Variants in SORCS2 observed in about 807,000 individuals in gnomAD.
SORCS2 encodes VPS10 domain-containing receptor SorCS2.
A neutral mutation model predicts 141.6 loss-of-function variants in SORCS2; 100 were observed. The observed-to-expected ratio is 0.71, with a 90% CI of 0.60 to 0.83. The LOEUF is 0.83. SORCS2 is among the 40% of genes least tolerant of loss of function. SORCS2 has a pLI of 0.00. For missense variants in SORCS2, 1,646 were observed against 1,560.2 expected, an observed-to-expected ratio of 1.05 and a Z score of -0.93; for synonymous variants, 789 against 676.9, an observed-to-expected ratio of 1.17 and a Z score of -2.57.
At chr4:7,290,009 G>GCGAGGGAGGACTCCA (rs970492943) in intron 1 of SORCS2, among the ~76,000 whole-genome samples, 1 of 152,200 alleles carries the variant, frequency 6.6e-6, no homozygotes, top group Non-Finnish European at 1.5e-5. Flanking sequence ...CTCCCAGGCT[G>GCGAGGGAGGACTCCA]CGAGGGAGGA....
At position 7,356,382 on chromosome 4, in the gene SORCS2, T is replaced by C. The variant is rs148038968; in HGVS notation, c.481-39906T>C. ...GCTGGGAAGTCCAAGGTCAAGGCTC[T>C]GGCTGAGTTTCTGGTTTCTGGTGAG... On this transcript the variant is annotated intron_variant, in intron 1 of 26. Transcript: ENST00000507866. Among the ~76,000 whole-genome samples, 1,410 of 152,356 alleles carry C rather than the reference T, an allele frequency of 9.3e-3. 19 individuals carry two copies. Among genetic ancestry groups the C allele is most frequent in the African/African-American group, 0.032 (1,342 of 41,584 alleles).
At chr4:7,200,352 TC>T (rs2108858837) in intron 1 of SORCS2, among the ~76,000 whole-genome samples, 1 of 152,046 alleles carries the variant, frequency 6.6e-6, no homozygotes, top group African/African-American at 2.4e-5. Flanking sequence ...TTCCCTCTCC[TC>T]CCTGGGGAGC....
rs1410150527 is a variant in SORCS2, at chr4:7,718,088, C to A, written c.2329C>A (p.Leu777Ile). Residue 777 changes from leucine to isoleucine, a missense_variant, in exon 18 of 27, where the codon CTC (leucine) becomes ATC (isoleucine). Coordinates refer to ENST00000507866, the MANE Select transcript of SORCS2 (RefSeq NM_020777.3). The stretch of plus-strand genomic sequence containing the variant: ...GAGTCAGGTGCAGCTGCAGTGCCCC[C>A]TCACGCCGCCCCGGGGCCTGCAGGT... ...QQSQVQLQCPLTPPRGLQVSI... is the reference protein window; with the variant it reads ...QQSQVQLQCPITPPRGLQVSI... 1.9e-6 allele frequency: 3 copies of A among 1,611,830 alleles called. No individual in the cohort carries two copies. The highest frequency in any genetic ancestry group is 1.7e-6 in the Non-Finnish European group (2 of 1,179,152).
At chr4:7,306,283 C>CG (rs1266467391) in intron 1 of SORCS2, among the ~76,000 whole-genome samples, 2 of 148,428 alleles carry the variant, frequency 1.3e-5, no homozygotes, top group Non-Finnish European at 3.0e-5. Flanking sequence ...CAGTGGGCTC[C>CG]GGGGTAGGCT....
At chr4:7,645,666 C>T (rs1286179207) in intron 4 of SORCS2, among the ~76,000 whole-genome samples, 1 of 152,218 alleles carries the variant, frequency 6.6e-6, no homozygotes, top group Non-Finnish European at 1.5e-5. Flanking sequence ...TGAACACATA[C>T]TGCATGCCAG....
intron 1 of SORCS2, among the ~76,000 whole-genome samples, chr4:7,292,054 C>T (rs570083888): frequency 1.6e-4 from 25 of 152,296 alleles, no homozygotes; most frequent in Non-Finnish European, 2.2e-4. Flanking sequence ...TGGAGGGGAC[C>T]GTCATGGGAA....
intron 4 of SORCS2, among the ~76,000 whole-genome samples, chr4:7,642,787 C>T (rs1720829790): frequency 6.6e-6 from 1 of 152,176 alleles, no homozygotes; most frequent in South Asian, 2.1e-4. Flanking sequence ...CTCCTGGTTA[C>T]TGGTGGAGTT....
At chr4:7,307,157 A>T (rs1407568378) in intron 1 of SORCS2, among the ~76,000 whole-genome samples, 1 of 152,190 alleles carries the variant, frequency 6.6e-6, no homozygotes, top group Non-Finnish European at 1.5e-5. Flanking sequence ...AGGCGACGCC[A>T]GCCTCATCGG....
At chr4:7,658,922 T>G (rs1208057597) in intron 5 of SORCS2, among the ~76,000 whole-genome samples, 1 of 152,232 alleles carries the variant, frequency 6.6e-6, no homozygotes, top group Non-Finnish European at 1.5e-5. Context: ...TGGGTGCTCC[T>G]GCCCCCAACG....
chr4:7,621,415 T>TTG (rs59645194), intron 3 of SORCS2, among the ~76,000 whole-genome samples: 1 of 149,262 alleles, frequency 6.7e-6, no homozygotes, highest in African/African-American at 2.5e-5. Flanking sequence ...GTGTGCATGT[T>TTG]TGTGTGTGTG....
intron 2 of SORCS2, among the ~76,000 whole-genome samples, chr4:7,416,273 G>A (rs1725659221): frequency 6.6e-6 from 1 of 152,176 alleles, no homozygotes; most frequent in African/African-American, 2.4e-5. Flanking sequence ...GGGGTTTAGG[G>A]AGGCACTTTT....
intron 3 of SORCS2, among the ~76,000 whole-genome samples, chr4:7,570,417 A>G (rs1577769075): frequency 1.3e-5 from 2 of 152,288 alleles, no homozygotes; most frequent in African/African-American, 4.8e-5. Flanking sequence ...GGGCCCTGTC[A>G]CTAGTCACTG....
intron 1 of SORCS2, among the ~76,000 whole-genome samples, chr4:7,209,019 T>C (rs1216414324): frequency 2.6e-5 from 4 of 152,206 alleles, no homozygotes; most frequent in Admixed American, 6.5e-5. Flanking sequence ...CTGCCCTCCA[T>C]GGAGGGAGCC....
rs146219127 is a variant in SORCS2, at chr4:7,699,520, G to T, written c.1668+2246G>T. 2.3e-3 allele frequency among the ~76,000 whole-genome samples: 353 copies of T among 152,246 alleles called. 1 individual carries two copies. Among genetic ancestry groups the T allele is most frequent in the Non-Finnish European group, 4.0e-3 (275 of 68,010 alleles). On this transcript the variant is annotated intron_variant, in intron 12 of 26. Transcript: ENST00000507866. ...CAAAGGGAAATTGCACTCCAGGACT[G>T]TTGGGCTCTGGGAAGCCCACTCTCC... is the stretch of plus-strand genomic sequence containing the variant.
intron 1 of SORCS2, among the ~76,000 whole-genome samples, chr4:7,292,380 G>GT (rs1716671371): frequency 6.6e-6 from 1 of 152,226 alleles, no homozygotes; most frequent in African/African-American, 2.4e-5. Flanking sequence ...ACTGCATTGA[G>GT]TGCTCGGGAG....
chr4:7,533,058 T>C (rs1245883808), intron 3 of SORCS2, among the ~76,000 whole-genome samples: 21 of 152,032 alleles, frequency 1.4e-4, no homozygotes, highest in Admixed American at 1.3e-3. Flanking sequence ...CCGATCTCTT[T>C]CCATCCCACA....
chr4:7,728,708 A>AT lies in SORCS2; in HGVS notation c.2982+247dup, dbSNP rs1446527172. Among the ~76,000 whole-genome samples, 13 of 152,348 alleles carry AT rather than the reference A, an allele frequency of 8.5e-5. No homozygotes were observed. The East Asian group carries it at 2.5e-3, about 29-fold the overall frequency. Reference sequence around the variant, plus strand: ...AGGGGAGGGACCACAGGCACCCTCCATGCACACAGTCCAGGGACCACCTGC... The same window carrying AT: ...AGGGGAGGGACCACAGGCACCCTCCATTGCACACAGTCCAGGGACCACCTGC... On this transcript the variant is annotated intron_variant, in intron 22 of 26. Transcript: ENST00000507866.
chr4:7,277,103 G>C (rs1264528922), intron 1 of SORCS2, among the ~76,000 whole-genome samples: 2 of 145,986 alleles, frequency 1.4e-5, no homozygotes, highest in Non-Finnish European at 3.0e-5. Flanking sequence ...CGTCCTGTGA[G>C]GGTCTCTCCT....
intron 2 of SORCS2, among the ~76,000 whole-genome samples, chr4:7,426,267 G>A (rs1726430742): frequency 6.6e-6 from 1 of 152,202 alleles, no homozygotes; most frequent in Admixed American, 6.5e-5. Flanking sequence ...CTCAATGAGT[G>A]GCCCATCGGA....
Sources: gnomAD v4.1 joint callset for allele counts (sites outside exome capture counted in the v4.1 genomes callset) on GRCh38, gnomAD v4.1.1 for gene constraint, MANE v1.5 for transcripts, NCBI Gene and HGNC (gene_info 2026-07-23, HGNC 2026-07-21) for gene names.